Variants in NHSL1 observed in about 807,000 individuals in gnomAD.
The protein encoded by NHSL1 is NHS like 1.
A neutral mutation model predicts 95.0 loss-of-function variants in NHSL1; 48 were observed. That is an observed-to-expected ratio of 0.51 (90% CI 0.40 to 0.64). NHSL1 has a LOEUF of 0.64. Among genes scored for constraint, NHSL1 ranks in the 30% least tolerant of loss-of-function variants. The pLI is 0.00. For synonymous variants in NHSL1, 783 were observed against 833.9 expected (o/e 0.94, Z 1.05); for missense variants, 1,971 against 2,077.7 (o/e 0.95, Z 1.00).
chr6:138,455,530 G>GCCTTCGCATGCTCCCTGCAAGAAGCCCCA (rs1777548188), intron 3 of NHSL1, among the ~76,000 whole-genome samples: 2 of 105,402 alleles, frequency 1.9e-5, no homozygotes, highest in African/African-American at 6.1e-5. Flanking sequence ...AAGGAGCCCC[G>GCCTTCGCATGCTCCCTGCAAGAAGCCCCA]CCTTCACATG....
At chr6:138,441,496 ATGAC>A (rs1776520632) in intron 5 of NHSL1, among the ~76,000 whole-genome samples, 1 of 152,228 alleles carries the variant, frequency 6.6e-6, no homozygotes, top group Non-Finnish European at 1.5e-5. Context: ...TCCAACATAA[ATGAC>A]TATTTTCTAT....
chr6:138,633,282 A>C (rs1784843726), intron 1 of NHSL1, among the ~76,000 whole-genome samples: 1 of 152,206 alleles, frequency 6.6e-6, no homozygotes, highest in Non-Finnish European at 1.5e-5. Context: ...ATTTATTCAA[A>C]CGGATAATAA....
rs1308121447 is a variant in NHSL1 at position 138,422,497 on chromosome 6, C to T, written c.*1584G>A. The T allele has an allele frequency of 1.3e-5, 2 of 152,128 alleles. No individual in the cohort carries two copies. Among genetic ancestry groups the T allele is most frequent in the East Asian group, 1.9e-4 (1 of 5,196 alleles). 9.4% of individuals were successfully genotyped at this position (152,128 alleles called of 1,614,324 possible). A position where few individuals can be genotyped will look rare whatever the true frequency, so the allele number is the denominator to read the frequency against. ...AACTTTTAGATAGTATTTCCATACC[C>T]CCCAAAAGCTGGCAGGTGGTAGTCG... On this transcript the variant is annotated 3_prime_UTR_variant, in exon 8 of 8. Transcript: ENST00000343505.
chr6:138,509,516 T>C (rs1250179035), intron 1 of NHSL1, among the ~76,000 whole-genome samples: 1 of 152,164 alleles, frequency 6.6e-6, no homozygotes, highest in Non-Finnish European at 1.5e-5. Context: ...AAAGGAAGAC[T>C]TCCTAATAAA....
intron 1 of NHSL1, among the ~76,000 whole-genome samples, chr6:138,563,741 A>T (rs1399769846): frequency 6.6e-6 from 1 of 152,156 alleles, no homozygotes; most frequent in Non-Finnish European, 1.5e-5. Context: ...GGGTAAGGGA[A>T]GCAGCATGTA....
intron 1 of NHSL1, among the ~76,000 whole-genome samples, chr6:138,509,389 C>T (rs1781113383): frequency 6.6e-6 from 1 of 152,190 alleles, no homozygotes; most frequent in South Asian, 2.1e-4. Context: ...ATACTCTGAG[C>T]TCCCTCGTAT....
intron 1 of NHSL1, among the ~76,000 whole-genome samples, chr6:138,614,939 G>A (rs1242972912): frequency 3.3e-5 from 4 of 121,736 alleles, no homozygotes; most frequent in Non-Finnish European, 5.0e-5. Flanking sequence ...CCCTACCCCA[G>A]GTCTGTGGGA....
intron 3 of NHSL1, among the ~76,000 whole-genome samples, chr6:138,471,003 C>G (rs924769472): frequency 4.6e-5 from 7 of 152,204 alleles, no homozygotes; most frequent in African/African-American, 1.7e-4. Flanking sequence ...CCCTTATACA[C>G]GACCATTTTC....
intron 1 of NHSL1, among the ~76,000 whole-genome samples, chr6:138,542,500 T>C (rs1465407620): frequency 1.3e-5 from 2 of 152,220 alleles, no homozygotes; most frequent in Non-Finnish European, 2.9e-5. Flanking sequence ...GTTTAAGAAC[T>C]TTTATAGCTG....
rs1009421176 is a variant in NHSL1 at position 138,422,135 on chromosome 6, G to A, written c.*1946C>T. 2 of 152,130 alleles carry A rather than the reference G, an allele frequency of 1.3e-5. No homozygotes were observed. Among genetic ancestry groups the A allele is most frequent in the Admixed American group, 1.3e-4 (2 of 15,276 alleles). 9.4% of individuals were successfully genotyped at this position (152,130 alleles called of 1,614,324 possible). A position where few individuals can be genotyped will look rare whatever the true frequency, so the allele number is the denominator to read the frequency against. On this transcript the variant is annotated 3_prime_UTR_variant, in exon 8 of 8. Transcript: ENST00000343505. Reference sequence around the variant, plus strand: ...ATTTAAAAATAGTTTTATAATTAGTGTTATGTTGCTTTATCTTATCTTTGC... The same window carrying A: ...ATTTAAAAATAGTTTTATAATTAGTATTATGTTGCTTTATCTTATCTTTGC...
intron 3 of NHSL1, among the ~76,000 whole-genome samples, chr6:138,459,185 G>A (rs1417763558): frequency 1.3e-5 from 2 of 151,888 alleles, no homozygotes; most frequent in East Asian, 3.9e-4. Flanking sequence ...ATGGGGTTTC[G>A]CCATGTTGGC....
chr6:138,438,051 G>A (rs534723383), intron 5 of NHSL1, among the ~76,000 whole-genome samples: 7 of 152,326 alleles, frequency 4.6e-5, no homozygotes, highest in Non-Finnish European at 1.0e-4. Flanking sequence ...CAGCAGCAGG[G>A]TTTGAGAGAT....
chr6:138,533,029 T>G (rs1353138550), intron 1 of NHSL1, among the ~76,000 whole-genome samples: 1 of 152,144 alleles, frequency 6.6e-6, no homozygotes, highest in Non-Finnish European at 1.5e-5. Context: ...ACAGAGTACC[T>G]CTAGGTGCAC....
Position 138,431,769 on chromosome 6 carries a change from G to A in NHSL1, c.2576C>T (p.Pro859Leu), listed in dbSNP as rs954218500. The change falls in exon 6 of 8, where the codon CCC (proline) becomes CTC (leucine). Residue 859 changes from proline (P) to leucine (L), a missense_variant. Pro to Leu is a moderately conservative substitution (Grantham distance 98). This residue lies in a region of NHSL1 where 1,602 missense variants were observed against 1,654.5 expected (regional missense o/e 0.97). Transcript: ENST00000343505. This position sits in a 1 kb window ranked among gnomAD's most constrained non-coding sequence, Gnocchi z 4.0. ...CACAGGCACAGGGGTGAGTGCTGTG[G>A]GTGTATTCGACTGGCTGGAATACCC... Reference protein sequence around the residue: ...SSGYSSQSNTPTALTPVPVFL... With the variant: ...SSGYSSQSNTLTALTPVPVFL... 12 of 1,551,446 alleles carry A rather than the reference G, an allele frequency of 7.7e-6. No individual in the cohort carries two copies. Among genetic ancestry groups the A allele is most frequent in the African/African-American group, 1.4e-5 (1 of 73,038 alleles).
intron 1 of NHSL1, among the ~76,000 whole-genome samples, chr6:138,552,358 T>C (rs2128334174): frequency 6.6e-6 from 1 of 152,178 alleles, no homozygotes; most frequent in East Asian, 1.9e-4. Context: ...AGGTGGAGGT[T>C]GCAGTGAGCT....
intron 1 of NHSL1, among the ~76,000 whole-genome samples, chr6:138,660,803 A>T (rs1191320159): frequency 6.6e-6 from 1 of 151,944 alleles, no homozygotes; most frequent in African/African-American, 2.4e-5. Flanking sequence ...AAAAAAAAAA[A>T]AAAAAATTGG....
intron 2 of NHSL1, among the ~76,000 whole-genome samples, chr6:138,493,579 C>T (rs1313306842): frequency 1.3e-5 from 2 of 152,218 alleles, no homozygotes; most frequent in Admixed American, 6.5e-5. Context: ...CATACCTTCA[C>T]GAAAGCGTTT....
At chr6:138,456,399 C>T (rs1209649609) in intron 3 of NHSL1, among the ~76,000 whole-genome samples, 1 of 152,176 alleles carries the variant, frequency 6.6e-6, no homozygotes, top group East Asian at 1.9e-4. Context: ...CAAAGTCTTC[C>T]TTTGATTTAA....
chr6:138,523,719 T>C (rs1781789342), intron 1 of NHSL1, among the ~76,000 whole-genome samples: 1 of 151,534 alleles, frequency 6.6e-6, no homozygotes, highest in African/African-American at 2.4e-5. Flanking sequence ...TTGGTTTTAC[T>C]GACATGAAAT....
Sources: gnomAD v4.1 joint callset for allele counts (sites outside exome capture counted in the v4.1 genomes callset) on GRCh38, gnomAD v4.1.1 for gene constraint, gnomAD v4.1.1 regional missense constraint, Gnocchi (gnomAD v3.1) non-coding constraint, MANE v1.5 for transcripts, NCBI Gene and HGNC (gene_info 2026-07-23, HGNC 2026-07-21) for gene names.